The following CDH12 variants were observed in gnomAD, a reference collection of about 807,000 sequenced individuals.
CDH12 encodes cadherin 12.
In CDH12, 41 loss-of-function variants were observed where a neutral mutation model predicts 74.1. The ratio of observed to expected loss-of-function variants is 0.55; its 90% CI spans 0.43 to 0.72. CDH12 has a LOEUF of 0.72. CDH12 is among the 30% of genes least tolerant of loss of function. The pLI is 0.00. For synonymous variants in CDH12, 399 were observed against 355.0 expected, an observed-to-expected ratio of 1.12 and a Z score of -1.39; for missense variants, 945 against 977.2, an observed-to-expected ratio of 0.97 and a Z score of 0.44.
chr5:22,162,022 A>G (rs1748382505), intron 4 of CDH12, among the ~76,000 whole-genome samples: 1 of 150,268 alleles, frequency 6.7e-6, no homozygotes, highest in South Asian at 2.1e-4. Context: ...ATGTTGCTTC[A>G]GCATCCATTT....
At chr5:22,744,150 C>T (rs967270965) in intron 1 of CDH12, among the ~76,000 whole-genome samples, 2 of 152,148 alleles carry the variant, frequency 1.3e-5, no homozygotes, top group African/African-American at 4.8e-5. Flanking sequence ...CCAGTATAGG[C>T]CAGGCGCGGT....
chr5:22,446,667 A>G (rs1744826718), intron 2 of CDH12, among the ~76,000 whole-genome samples: 1 of 152,092 alleles, frequency 6.6e-6, no homozygotes, highest in Admixed American at 6.6e-5. Flanking sequence ...AAAACAGAAA[A>G]CAAATTATTG....
intron 4 of CDH12, among the ~76,000 whole-genome samples, chr5:22,187,514 T>C (rs1001709086): frequency 1.3e-5 from 2 of 151,176 alleles, no homozygotes; most frequent in African/African-American, 4.9e-5. Flanking sequence ...GCTAGCAGAA[T>C]GTCTCAAGAG....
rs1747137678 is a variant in CDH12 at position 21,802,016 on chromosome 5, C to T, written c.1256+151G>A. ...TCCCCCCAATCCTATAACATTTCCT[C>T]TATTCTTATGTAAAGTCATTATGTT... On this transcript the variant is annotated intron_variant, in intron 10 of 14. Transcript: ENST00000382254. 11 of 697,360 alleles carry T rather than the reference C, an allele frequency of 1.6e-5. No homozygotes were observed. In the East Asian group the frequency reaches 2.5e-4, roughly 16 times the overall value. The allele number at this position is 697,360 out of a possible 1,614,324, so 43.2% of individuals were successfully genotyped here.
At chr5:22,617,945 C>A (rs186817223) in intron 1 of CDH12, among the ~76,000 whole-genome samples, 45 of 152,134 alleles carry the variant, frequency 3.0e-4, no homozygotes, top group East Asian at 1.6e-3. Flanking sequence ...TATTCATAAA[C>A]AATTGATATT....
chr5:22,450,628 A>G (rs1310830204), intron 2 of CDH12, among the ~76,000 whole-genome samples: 1 of 151,946 alleles, frequency 6.6e-6, no homozygotes, highest in African/African-American at 2.4e-5. Context: ...TATGTTACCT[A>G]AATCCTTTCC....
chr5:22,209,859 A>ATATGAGTTATATGAGGTAACATATGAGT (rs1306739206), intron 4 of CDH12, among the ~76,000 whole-genome samples: 3 of 152,186 alleles, frequency 2.0e-5, no homozygotes, highest in Non-Finnish European at 4.4e-5. Flanking sequence ...AACAGTCACC[A>ATATGAGTTATATGAGGTAACATATGAGT]TATATGAGGT....
intron 2 of CDH12, among the ~76,000 whole-genome samples, chr5:22,427,599 C>T (rs1302766441): frequency 6.6e-6 from 1 of 152,174 alleles, no homozygotes; most frequent in African/African-American, 2.4e-5. Flanking sequence ...TGCAAGACAT[C>T]CAGTAGATAC....
At chr5:22,154,399 CCA>C (rs1351921018) in intron 4 of CDH12, among the ~76,000 whole-genome samples, 1 of 133,324 alleles carries the variant, frequency 7.5e-6, no homozygotes, top group Non-Finnish European at 1.7e-5. Context: ...TCCCCTAACC[CCA>C]GTTTACACAC....
chr5:22,278,069 G>A (rs902760875), intron 3 of CDH12: 19 of 152,258 alleles, frequency 1.2e-4, no homozygotes, highest in African/African-American at 3.6e-4. Flanking sequence ...ATACCTGAAT[G>A]AGAAGAAAGG....
At chr5:22,623,304 G>A (rs1479509066) in intron 1 of CDH12, among the ~76,000 whole-genome samples, 1 of 152,188 alleles carries the variant, frequency 6.6e-6, no homozygotes, top group Non-Finnish European at 1.5e-5. Context: ...AGTGTTGCAA[G>A]TTCTGGTCAG....
At chr5:21,905,223 C>T (rs1439406898) in intron 6 of CDH12, among the ~76,000 whole-genome samples, 1 of 152,196 alleles carries the variant, frequency 6.6e-6, no homozygotes, top group East Asian at 1.9e-4. Flanking sequence ...GCCTTATCAA[C>T]TGTTGGACTC....
chr5:21,831,862 T>A (rs1239801287), intron 8 of CDH12, among the ~76,000 whole-genome samples: 1 of 152,130 alleles, frequency 6.6e-6, no homozygotes, highest in Non-Finnish European at 1.5e-5. Flanking sequence ...TAAAGTCTCA[T>A]ATTTGAGTTG....
intron 3 of CDH12, among the ~76,000 whole-genome samples, chr5:22,277,085 C>T (rs1168209264): frequency 3.9e-5 from 6 of 152,170 alleles, no homozygotes; most frequent in African/African-American, 1.4e-4. Flanking sequence ...ACCCTATGCT[C>T]TGTCATCCTT....
At chr5:21,914,508 C>A (rs1754002358) in intron 6 of CDH12, among the ~76,000 whole-genome samples, 1 of 151,992 alleles carries the variant, frequency 6.6e-6, no homozygotes, top group African/African-American at 2.4e-5. Context: ...TATATACATA[C>A]CCATACAAAG....
chr5:22,734,090 C>T (rs568644987), intron 1 of CDH12, among the ~76,000 whole-genome samples: 2 of 152,088 alleles, frequency 1.3e-5, no homozygotes, highest in South Asian at 4.1e-4. Flanking sequence ...TTTTAAAATA[C>T]ATTGTGTCTT....
intron 1 of CDH12, among the ~76,000 whole-genome samples, chr5:22,718,120 A>G (rs902595842): frequency 3.3e-5 from 5 of 152,242 alleles, no homozygotes; most frequent in Middle Eastern, 3.2e-3. Flanking sequence ...ACTCAAATTC[A>G]TCAAATGCTC....
At chr5:22,714,561 G>A (rs1743472431) in intron 1 of CDH12, among the ~76,000 whole-genome samples, 1 of 152,152 alleles carries the variant, frequency 6.6e-6, no homozygotes, top group African/African-American at 2.4e-5. Flanking sequence ...TCTAGATATG[G>A]ATAGAAGGGG....
At chr5:22,218,953 C>A (rs950280454) in intron 3 of CDH12, among the ~76,000 whole-genome samples, 1 of 151,684 alleles carries the variant, frequency 6.6e-6, no homozygotes, top group African/African-American at 2.4e-5. Flanking sequence ...ATTTCCCATT[C>A]AATCATATTT....
Sources: allele counts gnomAD v4.1 joint callset (sites outside exome capture counted in the v4.1 genomes callset), GRCh38; gene constraint gnomAD v4.1.1; transcripts MANE v1.5; gene names NCBI Gene and HGNC (gene_info 2026-07-23, HGNC 2026-07-21).